The following FGF12 variants were observed in gnomAD, a reference collection of about 807,000 sequenced individuals.
FGF12 encodes the protein fibroblast growth factor 12B.
Under a neutral mutation model 23.6 loss-of-function variants are expected in FGF12, and 14 were observed. That is an observed-to-expected ratio of 0.59 (90% CI 0.39 to 0.93). FGF12 has a LOEUF of 0.93. Among genes scored for constraint, FGF12 ranks in the 40% least tolerant of loss-of-function variants. FGF12 has a pLI of 0.00. For synonymous variants in FGF12, 62 were observed against 77.3 expected, an observed-to-expected ratio of 0.80 and a Z score of 1.04; for missense variants, 175 against 217.8, an observed-to-expected ratio of 0.80 and a Z score of 1.24.
intron 5 of FGF12, among the ~76,000 whole-genome samples, chr3:192,145,989 T>G (rs1713677497): frequency 6.6e-6 from 1 of 152,184 alleles, no homozygotes; most frequent in Non-Finnish European, 1.5e-5. Context: ...TACAACCATT[T>G]ACATAAAACT....
intron 2 of FGF12, among the ~76,000 whole-genome samples, chr3:192,578,728 G>GA (rs1291342684): frequency 6.6e-6 from 1 of 151,318 alleles, no homozygotes; most frequent in African/African-American, 2.4e-5. Flanking sequence ...CAAATGAAAA[G>GA]AAAAAAACAA....
intron 2 of FGF12, among the ~76,000 whole-genome samples, chr3:192,689,633 GA>G (rs968086414): frequency 7.3e-5 from 11 of 151,110 alleles, no homozygotes; most frequent in South Asian, 2.1e-4. Context: ...GTAGAAAAAA[GA>G]AAAAAAGGAA....
intron 2 of FGF12, among the ~76,000 whole-genome samples, chr3:192,425,473 G>T (rs906841707): frequency 6.6e-6 from 1 of 152,180 alleles, no homozygotes; most frequent in East Asian, 1.9e-4. Context: ...CAAACATCAA[G>T]GTTATGTCAG....
chr3:192,727,014 A>T (rs1465821049), intron 2 of FGF12, 167 bp downstream of exon 2: 4 of 767,806 alleles, frequency 5.2e-6, no homozygotes, highest in African/African-American at 3.5e-5. Context: ...GTTAAAAAGA[A>T]GTCGCCTTCC....
chr3:192,695,252 T>C (rs1718078446), intron 2 of FGF12, among the ~76,000 whole-genome samples: 1 of 152,212 alleles, frequency 6.6e-6, no homozygotes, highest in Non-Finnish European at 1.5e-5. Context: ...TCGTTGTGTC[T>C]TATTCACATT....
intron 2 of FGF12, among the ~76,000 whole-genome samples, chr3:192,515,714 G>A (rs1414099385): frequency 6.6e-6 from 1 of 152,294 alleles, no homozygotes; most frequent in East Asian, 1.9e-4. Flanking sequence ...ACAAAAGAGC[G>A]CTTCGCTTTG....
chr3:192,392,595 A>AGAGC (rs1720349292), intron 2 of FGF12, among the ~76,000 whole-genome samples: 2 of 24,816 alleles, frequency 8.1e-5, no homozygotes, highest in Admixed American at 7.5e-4. Context: ...AAACTCCGAG[A>AGAGC]GAGAGAGAGA....
At chr3:192,342,165 A>G (rs1395837829) in intron 3 of FGF12, among the ~76,000 whole-genome samples, 1 of 152,220 alleles carries the variant, frequency 6.6e-6, no homozygotes, top group Admixed American at 6.5e-5. Context: ...TTGGTTTTAG[A>G]AGCTGTTATT....
intron 2 of FGF12, among the ~76,000 whole-genome samples, chr3:192,601,341 G>A (rs898799299): frequency 2.0e-5 from 3 of 152,068 alleles, no homozygotes; most frequent in East Asian, 1.9e-4. Context: ...AAAAATTACA[G>A]CTAGATAGGA....
At chr3:192,356,505 C>T (rs1577383782) in intron 3 of FGF12, among the ~76,000 whole-genome samples, 1 of 134,654 alleles carries the variant, frequency 7.4e-6, no homozygotes, top group South Asian at 2.1e-4. Flanking sequence ...CTGCCATTGT[C>T]TTTTTTGTTC....
At chr3:192,178,072 A>AT (rs1715957975) in intron 4 of FGF12, among the ~76,000 whole-genome samples, 4 of 152,058 alleles carry the variant, frequency 2.6e-5, no homozygotes, top group Admixed American at 2.6e-4. Context: ...TAAAATCTGA[A>AT]TTTTTTCTTC....
intron 5 of FGF12, among the ~76,000 whole-genome samples, chr3:192,155,895 T>A (rs1414714672): frequency 6.6e-6 from 1 of 152,190 alleles, no homozygotes; most frequent in Non-Finnish European, 1.5e-5. Context: ...TTCCTAATAA[T>A]CAGATCCTTA....
chr3:192,444,344 T>C (rs1722288604), intron 2 of FGF12, among the ~76,000 whole-genome samples: 1 of 152,186 alleles, frequency 6.6e-6, no homozygotes, highest in Non-Finnish European at 1.5e-5. Context: ...CTTCCAACAT[T>C]TCCCATTCAG....
At chr3:192,418,595 A>G (rs1188883760) in intron 2 of FGF12, among the ~76,000 whole-genome samples, 7 of 152,094 alleles carry the variant, frequency 4.6e-5, no homozygotes, top group African/African-American at 7.2e-5. Flanking sequence ...TTGAATTGTA[A>G]TCCCAGTGTT....
At chr3:192,587,818 T>C (rs1713434772) in intron 2 of FGF12, among the ~76,000 whole-genome samples, 1 of 151,764 alleles carries the variant, frequency 6.6e-6, no homozygotes, top group African/African-American at 2.4e-5. Context: ...AGACCCTCTT[T>C]CTCATCATAT....
intron 2 of FGF12, among the ~76,000 whole-genome samples, chr3:192,554,916 C>T (rs1194719039): frequency 6.6e-6 from 1 of 152,042 alleles, no homozygotes; most frequent in East Asian, 1.9e-4. Flanking sequence ...AGGGGTTCAA[C>T]TGCATATTTG....
intron 2 of FGF12, among the ~76,000 whole-genome samples, chr3:192,633,568 C>A (rs148145008): frequency 6.6e-6 from 1 of 152,242 alleles, no homozygotes; most frequent in African/African-American, 2.4e-5. Context: ...ATATTCAACC[C>A]TTATCCAATT....
chr3:192,440,317 G>A (rs1479482463), intron 2 of FGF12, among the ~76,000 whole-genome samples: 1 of 152,138 alleles, frequency 6.6e-6, no homozygotes, highest in East Asian at 1.9e-4. Context: ...TGTGGTCTGG[G>A]AAATTTTCAA....
intron 2 of FGF12, among the ~76,000 whole-genome samples, chr3:192,624,778 C>T (rs1715103690): frequency 6.6e-6 from 1 of 152,050 alleles, no homozygotes; most frequent in Non-Finnish European, 1.5e-5. Flanking sequence ...GATTAGGTAG[C>T]ATAATCACAT....
Sources: gnomAD v4.1 joint callset for allele counts (sites outside exome capture counted in the v4.1 genomes callset) on GRCh38, gnomAD v4.1.1 for gene constraint, MANE v1.5 for transcripts, NCBI Gene and HGNC (gene_info 2026-07-23, HGNC 2026-07-21) for gene names.